ALPL: variants seen among roughly 807,000 people sequenced by gnomAD.
The protein encoded by ALPL is alkaline phosphatase, biomineralization associated, also known as alkaline phosphatase, tissue-nonspecific isozyme.
ALPL carries 42 observed loss-of-function variants against 51.3 expected under a neutral mutation model. The ratio of observed to expected loss-of-function variants is 0.82; its 90% CI spans 0.64 to 1.06. The LOEUF is 1.06. Ranked by LOEUF, ALPL falls within the 50% of genes least tolerant of loss-of-function variation. The probability of loss-of-function intolerance (pLI) is 0.00; values close to 1 mark genes in which losing one functional copy is unlikely to be tolerated. For synonymous variants in ALPL, 279 were observed against 296.4 expected, an observed-to-expected ratio of 0.94 and a Z score of 0.60; for missense variants, 589 against 709.4, an observed-to-expected ratio of 0.83 and a Z score of 1.93.
chr1:21,513,975 T>C (rs1643742800), intron 1 of ALPL, among the ~76,000 whole-genome samples: 2 of 152,334 alleles, frequency 1.3e-5, no homozygotes, highest in African/African-American at 2.4e-5. Flanking sequence ...GTTTCTGGGC[T>C]AGATGCAGTG....
chr1:21,561,149 C>T lies in ALPL; in HGVS notation c.234C>T (p.His78=), dbSNP rs1375160574. ...TAARILKGQL[H]HNPGEETRLE... ...CCCGCATCCTCAAGGGTCAGCTCCA[C>T]CACAACCCTGGGGAGGAGACCAGGC... is the stretch of plus-strand genomic sequence containing the variant. The change falls in exon 4 of 12, where the codon CAC becomes CAT. Residue 78 remains histidine, a synonymous_variant. Transcript: ENST00000374840. The T allele has an allele frequency of 6.2e-7, 1 of 1,613,658 alleles. No homozygotes were observed. Among genetic ancestry groups the T allele is most frequent in the Non-Finnish European group, 8.5e-7 (1 of 1,179,892 alleles).
chr1:21,536,478 G>A (rs565177501), intron 1 of ALPL, among the ~76,000 whole-genome samples: 1 of 152,220 alleles, frequency 6.6e-6, no homozygotes, highest in Non-Finnish European at 1.5e-5. Context: ...TAGCCAGGAT[G>A]TTCAGAGGAA....
intron 1 of ALPL, among the ~76,000 whole-genome samples, chr1:21,532,360 T>G (rs865851230): frequency 2.6e-5 from 4 of 152,076 alleles, no homozygotes; most frequent in Middle Eastern, 3.4e-3. Context: ...CCCTGCTAAT[T>G]TTTGTATTTT....
chr1:21,565,370 C>G (rs1644548782), intron 6 of ALPL, among the ~76,000 whole-genome samples: 1 of 152,234 alleles, frequency 6.6e-6, no homozygotes, highest in Non-Finnish European at 1.5e-5. Context: ...GTTCCTTCCC[C>G]TCCCTATGCC....
At chr1:21,549,067 C>G (rs1333091713) in intron 1 of ALPL, among the ~76,000 whole-genome samples, 1 of 152,170 alleles carries the variant, frequency 6.6e-6, no homozygotes, top group Non-Finnish European at 1.5e-5. Context: ...CCATCATAAG[C>G]CAGTGTTAAA....
chr1:21,538,105 GC>G (rs1286137226), intron 1 of ALPL, among the ~76,000 whole-genome samples: 1 of 152,196 alleles, frequency 6.6e-6, no homozygotes, highest in Non-Finnish European at 1.5e-5. Context: ...TGCGTACCAG[GC>G]CCTGGGTCTT....
At chr1:21,576,846 T>C (rs1363060730) in intron 11 of ALPL, among the ~76,000 whole-genome samples, 2 of 152,144 alleles carry the variant, frequency 1.3e-5, no homozygotes, top group Non-Finnish European at 2.9e-5. Flanking sequence ...TCTGAGACTT[T>C]GGGCATGTGA....
chr1:21,522,737 C>T (rs1332013187), intron 1 of ALPL, among the ~76,000 whole-genome samples: 6 of 152,068 alleles, frequency 3.9e-5, no homozygotes, highest in South Asian at 2.1e-4. Flanking sequence ...GTGGGATAGG[C>T]GCCAATCATG....
chr1:21,573,128 G>T (rs948523179), intron 8 of ALPL, among the ~76,000 whole-genome samples: 2 of 152,188 alleles, frequency 1.3e-5, no homozygotes, highest in Admixed American at 6.5e-5. Context: ...CCATAGTGGT[G>T]GGAATGAAAA....
chr1:21,539,196 C>A (rs1644149428), intron 1 of ALPL, among the ~76,000 whole-genome samples: 1 of 152,180 alleles, frequency 6.6e-6, no homozygotes, highest in Non-Finnish European at 1.5e-5. Context: ...CTGGCTCGCT[C>A]ACTTACTGGC....
At position 21,577,443 on chromosome 1, in the gene ALPL, AG is replaced by A. The variant is rs1335758022; in HGVS notation, c.1372del (p.Asp458ThrfsTer26). ...VPLRHETHGG[E>X]DVAVFSKGPM... ...CTGCGCCACGAGACCCACGGCGGGG[AG>A]GACGTGGCCGTCTTCTCCAAGGGCC... On this transcript the variant is annotated frameshift_variant, in exon 12 of 12. Transcript: ENST00000374840. LOFTEE classifies it high-confidence loss of function. 2 of 1,612,204 alleles carry A rather than the reference AG, an allele frequency of 1.2e-6. No homozygotes were observed. Among genetic ancestry groups the A allele is most frequent in the Admixed American group, 3.3e-5 (2 of 60,014 alleles).
chr1:21,555,754 A>C (rs1168078951), intron 2 of ALPL, among the ~76,000 whole-genome samples: 1 of 151,340 alleles, frequency 6.6e-6, no homozygotes, highest in Non-Finnish European at 1.5e-5. Context: ...TAGTGAACTC[A>C]TCTTCAACAG....
intron 1 of ALPL, among the ~76,000 whole-genome samples, chr1:21,546,711 G>A (rs60414268): frequency 0.13 from 20,007 of 152,220 alleles, 2,047 homozygotes; most frequent in East Asian, 0.5. Flanking sequence ...GGTACGGGCC[G>A]TGGAGACCCC....
chr1:21,547,139 T>C (rs1226266403), intron 1 of ALPL, among the ~76,000 whole-genome samples: 3 of 152,218 alleles, frequency 2.0e-5, no homozygotes, highest in African/African-American at 7.2e-5. Flanking sequence ...GCAGGTGCTC[T>C]GTAGGTGTTT....
At chr1:21,527,841 G>T (rs1274264945) in intron 1 of ALPL, among the ~76,000 whole-genome samples, 1 of 151,944 alleles carries the variant, frequency 6.6e-6, no homozygotes, top group African/African-American at 2.4e-5. Context: ...TGACCACCAC[G>T]CCCGGCCAGC....
chr1:21,522,190 A>G (rs764706554), intron 1 of ALPL, among the ~76,000 whole-genome samples: 69 of 150,754 alleles, frequency 4.6e-4, no homozygotes, highest in Admixed American at 9.9e-4. Context: ...TCCTGCCTCA[A>G]CCTCCCCAGT....
intron 1 of ALPL, among the ~76,000 whole-genome samples, chr1:21,533,610 A>G (rs1171549044): frequency 2.6e-5 from 4 of 152,078 alleles, no homozygotes; most frequent in African/African-American, 9.7e-5. Flanking sequence ...TCTTTCCACC[A>G]TGCCACACTA....
At chr1:21,530,405 G>C (rs1304839946) in intron 1 of ALPL, among the ~76,000 whole-genome samples, 1 of 152,140 alleles carries the variant, frequency 6.6e-6, no homozygotes, top group African/African-American at 2.4e-5. Flanking sequence ...CTCCGTGGGG[G>C]ATTTCAGCTA....
chr1:21,553,748 A>G (rs1020154947), intron 1 of ALPL, among the ~76,000 whole-genome samples: 1 of 152,202 alleles, frequency 6.6e-6, no homozygotes, highest in Non-Finnish European at 1.5e-5. Context: ...ATGGGACGGA[A>G]CTGCTTTGCA....
Sources: allele counts gnomAD v4.1 joint callset (sites outside exome capture counted in the v4.1 genomes callset), GRCh38; gene constraint gnomAD v4.1.1; transcripts MANE v1.5; gene names NCBI Gene and HGNC (gene_info 2026-07-23, HGNC 2026-07-21).